The following RBFOX1 variants were observed in gnomAD, a reference collection of about 807,000 sequenced individuals.
RBFOX1 encodes the protein RNA binding fox-1 homolog 1.
In RBFOX1, 8 loss-of-function variants were observed where a neutral mutation model predicts 57.7. The observed-to-expected ratio is 0.14, with a 90% CI of 0.08 to 0.25. RBFOX1 has a LOEUF of 0.25. Ranked by LOEUF, RBFOX1 falls within the 10% of genes least tolerant of loss-of-function variation. The pLI is 1.00. For synonymous variants in RBFOX1, 326 were observed against 222.4 expected (o/e 1.47, Z -4.15); for missense variants, 611 against 548.5 (o/e 1.11, Z -1.14).
intron 3 of RBFOX1, among the ~76,000 whole-genome samples, chr16:6,866,559 T>TTTTTTTTTTTG: frequency 6.9e-6 from 1 of 144,488 alleles, no homozygotes; most frequent in Non-Finnish European, 1.5e-5. Flanking sequence ...TTTTTTTTTT[T>TTTTTTTTTTTG]GAGTTGGAGT....
In RBFOX1 at chr16:6,295,773, C is replaced by G. The variant is rs1016313529; in HGVS notation, c.-126-21222C>G. Among the ~76,000 whole-genome samples, 3 of 152,144 alleles carry G rather than the reference C, an allele frequency of 2.0e-5. No individual in the cohort carries two copies. In the South Asian group the frequency reaches 6.2e-4, roughly 32 times the overall value. On this transcript the variant is annotated intron_variant, in intron 1 of 15. Transcript: ENST00000550418. ...CAGGGGCAATGGCTCAGGAGGAAAA[C>G]GTGCAGAGCCCGCTGTTCACAAATG... is the stretch of plus-strand genomic sequence containing the variant.
At chr16:5,294,912 C>G (rs540445884) in intron 1 of RBFOX1, among the ~76,000 whole-genome samples, 1 of 150,550 alleles carries the variant, frequency 6.6e-6, no homozygotes, top group Non-Finnish European at 1.5e-5. Flanking sequence ...CGCCTTTGAT[C>G]CCAGCTACTC....
intron 4 of RBFOX1, among the ~76,000 whole-genome samples, chr16:7,098,946 G>T (rs1021218760): frequency 9.2e-5 from 14 of 152,098 alleles, no homozygotes; most frequent in Non-Finnish European, 1.6e-4. Flanking sequence ...TTTTTCAACT[G>T]ATATTGAGCT....
intron 4 of RBFOX1, among the ~76,000 whole-genome samples, chr16:5,978,695 TG>T (rs1280903845): frequency 1.3e-5 from 2 of 151,854 alleles, no homozygotes; most frequent in Admixed American, 6.6e-5. Context: ...TTTTTGTTGT[TG>T]TTGTTTTTTT....
intron 3 of RBFOX1, among the ~76,000 whole-genome samples, chr16:7,000,596 C>CTTTTTTTTTTTTTTTTTT (rs759103545): frequency 4.0e-4 from 37 of 92,576 alleles, no homozygotes; most frequent in South Asian, 8.6e-4. Flanking sequence ...CTTTTTCTTT[C>CTTTTTTTTTTTTTTTTTT]TTTTTTTTTT....
rs567688196 is a variant in RBFOX1 at position 7,169,916 on chromosome 16, T to A, written c.27+117818T>A. 1.5e-4 allele frequency among the ~76,000 whole-genome samples: 22 copies of A among 151,222 alleles called. No individual in the cohort carries two copies. The South Asian group carries it at 4.0e-3, about 27-fold the overall frequency. On this transcript the variant is annotated intron_variant, in intron 4 of 15. Coordinates refer to ENST00000550418, the MANE Select transcript of RBFOX1 (RefSeq NM_018723.4). The stretch of plus-strand genomic sequence containing the variant: ...CAAGACCCTATCTCTACAAAAAAAA[T>A]AAAAAAAATAGCTGGGCATGGTGAC...
chr16:5,729,857 A>G (rs1260543268), intron 3 of RBFOX1, among the ~76,000 whole-genome samples: 2 of 152,176 alleles, frequency 1.3e-5, no homozygotes, highest in African/African-American at 4.8e-5. Context: ...ACCCTTGGCT[A>G]TTTTGAGGGA....
At chr16:7,436,171 C>T (rs1055315506) in intron 4 of RBFOX1, among the ~76,000 whole-genome samples, 19 of 152,114 alleles carry the variant, frequency 1.2e-4, no homozygotes, top group African/African-American at 3.9e-4. Flanking sequence ...CTCTTTTGAC[C>T]GAGGAATTTA....
At chr16:7,217,676 G>T (rs903574165) in intron 4 of RBFOX1, among the ~76,000 whole-genome samples, 1 of 152,134 alleles carries the variant, frequency 6.6e-6, no homozygotes, top group African/African-American at 2.4e-5. Flanking sequence ...TAATCATAGG[G>T]GGAAGGATTT....
At chr16:6,795,582 G>A (rs542371590) in intron 3 of RBFOX1, among the ~76,000 whole-genome samples, 1 of 151,946 alleles carries the variant, frequency 6.6e-6, no homozygotes, top group East Asian at 1.9e-4. Context: ...CCTGGCCAAT[G>A]TGGTGAAACC....
intron 4 of RBFOX1, among the ~76,000 whole-genome samples, chr16:7,076,519 A>G (rs546522503): frequency 6.6e-6 from 1 of 152,320 alleles, no homozygotes; most frequent in African/African-American, 2.4e-5. Flanking sequence ...ACAAAAAATA[A>G]TGCCATATCC....
intron 4 of RBFOX1, among the ~76,000 whole-genome samples, chr16:7,097,612 C>G (rs2061924976): frequency 6.6e-6 from 1 of 152,130 alleles, no homozygotes; most frequent in Non-Finnish European, 1.5e-5. Flanking sequence ...ATGCTGTTGC[C>G]ACTCATAATA....
At chr16:6,306,722 G>A (rs2079555191) in intron 1 of RBFOX1, among the ~76,000 whole-genome samples, 1 of 152,138 alleles carries the variant, frequency 6.6e-6, no homozygotes, top group African/African-American at 2.4e-5. Context: ...GCCAGCAGTT[G>A]CCGTCCATTT....
At chr16:7,381,977 C>G (rs1390730370) in intron 4 of RBFOX1, among the ~76,000 whole-genome samples, 5 of 152,168 alleles carry the variant, frequency 3.3e-5, no homozygotes, top group Admixed American at 3.3e-4. Context: ...AAATGTTTCT[C>G]CCTTTGAGAA....
At chr16:5,941,782 G>T (rs2059283264) in intron 4 of RBFOX1, among the ~76,000 whole-genome samples, 1 of 151,928 alleles carries the variant, frequency 6.6e-6, no homozygotes, top group African/African-American at 2.4e-5. Context: ...TGAGCTCATA[G>T]CTTCTCACTG....
rs559403402 is a variant in RBFOX1 at position 7,275,446 on chromosome 16, A to T, written c.27+223348A>T. On this transcript the variant is annotated intron_variant, in intron 4 of 15. Coordinates refer to ENST00000550418, the MANE Select transcript of RBFOX1 (RefSeq NM_018723.4). ...CAATGATGATTCTCCAGACATTAAC[A>T]TAAGTAAGTAGGGTGTGGATTTTCT... Among the ~76,000 whole-genome samples the T allele has an allele frequency of 2.6e-5, 4 of 152,342 alleles. No individual in the cohort carries two copies. In the East Asian group the frequency reaches 5.8e-4, roughly 22 times the overall value.
At position 6,887,763 on chromosome 16, in the gene RBFOX1, A is replaced by G. The variant is rs1029710991; in HGVS notation, c.-15-164294A>G. Among the ~76,000 whole-genome samples the G allele has an allele frequency of 2.0e-5, 3 of 151,900 alleles. No individual in the cohort carries two copies. In the East Asian group the frequency reaches 5.8e-4, roughly 30 times the overall value. ...CTGCAACCTCTGCCTCCCAGGTTCA[A>G]GTGATTCTCCAGCCTCAGCCTCCTG... is the stretch of plus-strand genomic sequence containing the variant. On this transcript the variant is annotated intron_variant, in intron 3 of 15. Transcript: ENST00000550418.
intron 3 of RBFOX1, among the ~76,000 whole-genome samples, chr16:5,674,590 G>T (rs1243867684): frequency 6.6e-6 from 1 of 152,206 alleles, no homozygotes; most frequent in Admixed American, 6.5e-5. Context: ...TTTAGAATTG[G>T]AAGCATCTCA....
chr16:6,480,709 A>T (rs2095359157), intron 2 of RBFOX1, among the ~76,000 whole-genome samples: 1 of 152,202 alleles, frequency 6.6e-6, no homozygotes, highest in African/African-American at 2.4e-5. Context: ...AAATGGTGTC[A>T]TAAGTGTAGA....
Sources: gnomAD v4.1 joint callset for allele counts (sites outside exome capture counted in the v4.1 genomes callset) on GRCh38, gnomAD v4.1.1 for gene constraint, MANE v1.5 for transcripts, NCBI Gene and HGNC (gene_info 2026-07-23, HGNC 2026-07-21) for gene names.